Variants in BANK1 observed in about 807,000 individuals in gnomAD.
BANK1 encodes B-cell scaffold protein with ankyrin repeats.
A neutral mutation model predicts 94.5 loss-of-function variants in BANK1; 95 were observed. The ratio of observed to expected loss-of-function variants is 1.00; its 90% CI spans 0.85 to 1.19. The LOEUF (loss-of-function observed/expected upper bound fraction) is 1.19. BANK1 is among the 50% of genes most tolerant of loss of function. The pLI is 0.00. For synonymous variants in BANK1, 334 were observed against 308.4 expected, an observed-to-expected ratio of 1.08 and a Z score of -0.87; for missense variants, 987 against 932.2, an observed-to-expected ratio of 1.06 and a Z score of -0.77.
At chr4:101,915,894 T>C (rs1157230592) in intron 6 of BANK1, among the ~76,000 whole-genome samples, 1 of 152,074 alleles carries the variant, frequency 6.6e-6, no homozygotes, top group African/African-American at 2.4e-5. Flanking sequence ...ACCTCACATG[T>C]TATATAATGG....
intron 2 of BANK1, among the ~76,000 whole-genome samples, chr4:101,848,230 G>A (rs917973253): frequency 6.6e-5 from 10 of 152,052 alleles, no homozygotes; most frequent in Non-Finnish European, 1.5e-5. Flanking sequence ...GGTCCTGTAG[G>A]AGCAGTCCGC....
chr4:101,985,016 A>G (rs2148929015), intron 7 of BANK1, among the ~76,000 whole-genome samples: 1 of 151,518 alleles, frequency 6.6e-6, no homozygotes, highest in South Asian at 2.1e-4. Context: ...GATTTCAACA[A>G]GAGAGAGAGA....
At chr4:101,902,807 AG>A (rs1353146715) in intron 6 of BANK1, among the ~76,000 whole-genome samples, 1 of 152,246 alleles carries the variant, frequency 6.6e-6, no homozygotes, top group African/African-American at 2.4e-5. Context: ...ATTAGCAACT[AG>A]GAGATCAGCC....
At chr4:101,878,353 C>G (rs13434472) in intron 5 of BANK1, among the ~76,000 whole-genome samples, 1 of 151,834 alleles carries the variant, frequency 6.6e-6, no homozygotes, top group Non-Finnish European at 1.5e-5. Context: ...CTATGAAAAG[C>G]GACAGAAAAG....
chr4:102,029,857 A>G, intron 9 of BANK1, 103 bp from the exon 10 acceptor site: 6 of 1,078,264 alleles, frequency 5.6e-6, no homozygotes, highest in Non-Finnish European at 8.1e-6. Flanking sequence ...TTCCTACGGC[A>G]CTTGACTAAG....
At chr4:101,938,121 G>T (rs925386924) in intron 7 of BANK1, among the ~76,000 whole-genome samples, 4 of 151,758 alleles carry the variant, frequency 2.6e-5, no homozygotes, top group African/African-American at 9.7e-5. Flanking sequence ...TTAGCATTAG[G>T]AGGAATACCT....
At chr4:102,001,427 C>T (rs1032131901) in intron 7 of BANK1, among the ~76,000 whole-genome samples, 12 of 152,168 alleles carry the variant, frequency 7.9e-5, no homozygotes. Context: ...TGGTGAAACC[C>T]AGTCTCTACT....
chr4:101,824,648 C>T (rs1463378754), intron 1 of BANK1, among the ~76,000 whole-genome samples: 3 of 151,632 alleles, frequency 2.0e-5, no homozygotes, highest in Non-Finnish European at 4.4e-5. Flanking sequence ...ATTGCTGAAT[C>T]CATTATGGCT....
At chr4:101,829,750 A>G in intron 1 of BANK1, 58 bp from the exon 2 acceptor site, 1 of 1,197,394 alleles carries the variant, frequency 8.4e-7, no homozygotes. Flanking sequence ...TTTGAGAAAT[A>G]ATAATTTAAC....
chr4:101,816,906 G>A (rs946542810), intron 1 of BANK1, among the ~76,000 whole-genome samples: 1 of 152,110 alleles, frequency 6.6e-6, no homozygotes, highest in Non-Finnish European at 1.5e-5. Context: ...AAATAGAAAG[G>A]AGTCAACGGA....
At chr4:101,980,961 T>C (rs188609020) in intron 7 of BANK1, among the ~76,000 whole-genome samples, 1 of 152,218 alleles carries the variant, frequency 6.6e-6, no homozygotes, top group East Asian at 1.9e-4. Flanking sequence ...TTGATGGTTG[T>C]ATTAAATTTG....
At position 102,064,058 on chromosome 4, in the gene BANK1, G is replaced by A. The variant is rs974258814; in HGVS notation, c.2212+920G>A. Among the ~76,000 whole-genome samples the A allele has an allele frequency of 3.3e-5, 5 of 151,926 alleles. No homozygotes were observed. In the South Asian group the frequency reaches 6.2e-4, roughly 19 times the overall value. ...CATTCCAAAATTAAAAATAAATTAC[G>A]TTATCACTATCTGACCACTGTTTCC... On this transcript the variant is annotated intron_variant, in intron 13 of 16. Coordinates refer to ENST00000322953, the MANE Select transcript of BANK1 (RefSeq NM_017935.5).
intron 1 of BANK1, among the ~76,000 whole-genome samples, chr4:101,792,624 A>G (rs925696302): frequency 2.6e-5 from 4 of 152,056 alleles, no homozygotes; most frequent in African/African-American, 9.7e-5. Context: ...TAATTATTTG[A>G]AGGTCACCCA....
intron 11 of BANK1, among the ~76,000 whole-genome samples, chr4:102,057,236 C>G (rs1310685849): frequency 2.0e-5 from 3 of 151,920 alleles, no homozygotes; most frequent in African/African-American, 7.3e-5. Flanking sequence ...CTCTCTCTCT[C>G]TCTTGCTCTC....
intron 7 of BANK1, among the ~76,000 whole-genome samples, chr4:102,011,961 A>C (rs187798064): frequency 7.9e-4 from 120 of 152,262 alleles, no homozygotes; most frequent in Admixed American, 2.3e-3. Context: ...ATATGAATGG[A>C]ATCTGGCAAA....
intron 4 of BANK1, among the ~76,000 whole-genome samples, chr4:101,863,379 AATC>A (rs969331974): frequency 6.6e-6 from 1 of 152,070 alleles, no homozygotes; most frequent in Non-Finnish European, 1.5e-5. Flanking sequence ...CAGAGAATAA[AATC>A]ATCTTATTAA....
intron 5 of BANK1, among the ~76,000 whole-genome samples, chr4:101,880,545 T>C (rs919118717): frequency 7.9e-5 from 12 of 151,956 alleles, no homozygotes; most frequent in African/African-American, 2.9e-4. Context: ...AAAATACCAA[T>C]CACATTCTTT....
At chr4:101,899,367 A>G (rs1722196145) in intron 6 of BANK1, among the ~76,000 whole-genome samples, 1 of 152,180 alleles carries the variant, frequency 6.6e-6, no homozygotes, top group Non-Finnish European at 1.5e-5. Context: ...CTGTAAAATT[A>G]TAGATTTTTC....
At chr4:102,063,933 T>C (rs891697293) in intron 13 of BANK1, among the ~76,000 whole-genome samples, 7 of 152,190 alleles carry the variant, frequency 4.6e-5, no homozygotes, top group African/African-American at 1.4e-4. Flanking sequence ...TTAAAATTTC[T>C]AATAATTGAA....
Sources: allele counts gnomAD v4.1 joint callset (sites outside exome capture counted in the v4.1 genomes callset), GRCh38; gene constraint gnomAD v4.1.1; transcripts MANE v1.5; gene names NCBI Gene and HGNC (gene_info 2026-07-23, HGNC 2026-07-21).